ADGRL2: variants seen among roughly 807,000 people sequenced by gnomAD.
The protein encoded by ADGRL2 is adhesion G protein-coupled receptor L2.
ADGRL2 carries 44 observed loss-of-function variants against 157.4 expected under a neutral mutation model. That is an observed-to-expected ratio of 0.28 (90% CI 0.22 to 0.36). The LOEUF is 0.36. ADGRL2 is among the 10% of genes least tolerant of loss of function. The probability of loss-of-function intolerance (pLI) is 1.00; values close to 1 mark genes in which losing one functional copy is unlikely to be tolerated. For synonymous variants in ADGRL2, 585 were observed against 624.7 expected, an observed-to-expected ratio of 0.94 and a Z score of 0.95; for missense variants, 1,510 against 1,768.9, an observed-to-expected ratio of 0.85 and a Z score of 2.63.
intron 1 of ADGRL2, among the ~76,000 whole-genome samples, chr1:81,325,174 G>T (rs1022879535): frequency 4.6e-5 from 7 of 152,182 alleles, no homozygotes. Context: ...CAGATCCACA[G>T]CCACAAATGT....
At chr1:81,519,836 A>G (rs751470615) in intron 2 of ADGRL2, among the ~76,000 whole-genome samples, 2 of 152,126 alleles carry the variant, frequency 1.3e-5, no homozygotes, top group African/African-American at 2.4e-5. Flanking sequence ...TTGAGAAAAA[A>G]GTACCCAGCC....
rs1193276566 is a variant in ADGRL2 at position 81,584,532 on chromosome 1, C to T, written c.-143+3552C>T. ...AGCACTTTTTCTTTCCCATCAGCTA[C>T]ATCCGAATTGTTTTTGTAAGATGTA... On this transcript the variant is annotated intron_variant, in intron 3 of 24. Coordinates refer to the ADGRL2 transcript ENST00000370721. Among the ~76,000 whole-genome samples the T allele has an allele frequency of 4.6e-5, 7 of 152,154 alleles. No individual in the cohort carries two copies. The South Asian group carries it at 6.2e-4, about 13-fold the overall frequency.
intron 11 of ADGRL2, among the ~76,000 whole-genome samples, chr1:81,958,017 T>C (rs1218932950): frequency 6.7e-6 from 1 of 148,170 alleles, no homozygotes; most frequent in Non-Finnish European, 1.5e-5. Context: ...CAAAAAAAAA[T>C]GGGAGGCCGA....
In ADGRL2 at chr1:81,947,482, T is replaced by C. The variant is rs139504580; in HGVS notation, c.1211-2707T>C. Among the ~76,000 whole-genome samples the C allele has an allele frequency of 5.8e-3, 876 of 152,298 alleles. 5 individuals are homozygous for C. Among genetic ancestry groups the C allele is most frequent in the African/African-American group, 0.02 (829 of 41,562 alleles). On this transcript the variant is annotated intron_variant, in intron 6 of 23. Coordinates refer to ENST00000686636, the MANE Select transcript of ADGRL2 (RefSeq NM_001366006.2). ...AAAGTGACCTTAAACAAATTACTTA[T>C]CTTCATCGTTCAGTTTCCTTATCTG...
chr1:81,360,045 T>C (rs1277437084), intron 1 of ADGRL2, among the ~76,000 whole-genome samples: 1 of 152,048 alleles, frequency 6.6e-6, no homozygotes, highest in Non-Finnish European at 1.5e-5. Flanking sequence ...TAACTTAAAA[T>C]GCTCCAATTA....
chr1:81,820,771 T>C (rs1169772145), intron 1 of ADGRL2, among the ~76,000 whole-genome samples: 1 of 152,080 alleles, frequency 6.6e-6, no homozygotes, highest in Non-Finnish European at 1.5e-5. Context: ...AATATTCTGC[T>C]TACACTTTCA....
chr1:81,356,777 C>A (rs1353764012), intron 1 of ADGRL2, among the ~76,000 whole-genome samples: 18 of 151,834 alleles, frequency 1.2e-4, no homozygotes, highest in African/African-American at 4.3e-4. Flanking sequence ...CACGGTGAAA[C>A]CCCGTCTCTA....
chr1:81,948,787 C>T (rs185663273), intron 6 of ADGRL2, among the ~76,000 whole-genome samples: 1 of 152,114 alleles, frequency 6.6e-6, no homozygotes, highest in East Asian at 1.9e-4. Flanking sequence ...ATAAATTATG[C>T]CCTGGAAATA....
Position 81,376,463 on chromosome 1 carries a change from G to T in ADGRL2, c.-301-68573G>T, listed in dbSNP as rs527633990. On this transcript the variant is annotated intron_variant, in intron 1 of 24. Transcript: ENST00000370721. The stretch of plus-strand genomic sequence containing the variant: ...ACCCAAAGTAATTCCACACAATGGT[G>T]ATATAACCTGGTTAATACAATGAGT... Among the ~76,000 whole-genome samples the T allele has an allele frequency of 5.3e-5, 8 of 152,288 alleles. No homozygotes were observed. The South Asian group carries it at 1.7e-3, about 32-fold the overall frequency.
At chr1:81,332,392 C>A (rs1006983503) in intron 1 of ADGRL2, among the ~76,000 whole-genome samples, 2 of 151,884 alleles carry the variant, frequency 1.3e-5, no homozygotes, top group African/African-American at 2.4e-5. Flanking sequence ...GCTTGGTAAT[C>A]AAAAAACATA....
intron 2 of ADGRL2, among the ~76,000 whole-genome samples, chr1:81,536,415 C>G (rs1400312528): frequency 6.6e-6 from 1 of 152,098 alleles, no homozygotes; most frequent in Non-Finnish European, 1.5e-5. Context: ...AAGATTTCTC[C>G]TATTTATTTA....
At chr1:81,416,278 T>C (rs1157495415) in intron 1 of ADGRL2, among the ~76,000 whole-genome samples, 1 of 148,778 alleles carries the variant, frequency 6.7e-6, no homozygotes, top group Non-Finnish European at 1.5e-5. Flanking sequence ...TTTTTAAATA[T>C]AGAAACTGTA....
At chr1:81,558,131 A>G (rs992941051) in intron 2 of ADGRL2, among the ~76,000 whole-genome samples, 7 of 152,210 alleles carry the variant, frequency 4.6e-5, no homozygotes, top group Non-Finnish European at 1.0e-4. Flanking sequence ...AAAATCATCA[A>G]TGAATAAATG....
intron 2 of ADGRL2, among the ~76,000 whole-genome samples, chr1:81,575,780 C>T (rs17106722): frequency 0.075 from 11,415 of 152,004 alleles, 692 homozygotes; most frequent in African/African-American, 0.17. Flanking sequence ...TGGCCAAATT[C>T]TGCAGTATAA....
chr1:81,426,679 CA>C lies in ADGRL2; in HGVS notation c.-301-18356del, dbSNP rs534669706. On this transcript the variant is annotated intron_variant, in intron 1 of 24. Transcript: ENST00000370721. Reference sequence around the variant, plus strand: ...TGAGACACCCCCAAAGAAAACGTTCCAGGGGGTTTGGTTTTGTGACTTACTC... The same window carrying C: ...TGAGACACCCCCAAAGAAAACGTTCCGGGGGTTTGGTTTTGTGACTTACTC... 353 of 469,862 alleles carry C rather than the reference CA, an allele frequency of 7.5e-4. 1 individual carries two copies. Among genetic ancestry groups the C allele is most frequent in the African/African-American group, 6.7e-3 (338 of 50,212 alleles). The allele number at this position is 469,862 out of a possible 1,614,324, so 29.1% of individuals were successfully genotyped here.
chr1:81,799,847 C>T (rs2087797100), upstream of ADGRL2, among the ~76,000 whole-genome samples: 1 of 151,506 alleles, frequency 6.6e-6, no homozygotes, highest in Non-Finnish European at 1.5e-5. Context: ...TTTACAAATA[C>T]ATCTGAAAAC....
chr1:81,920,530 C>T (rs532176267), intron 3 of ADGRL2, among the ~76,000 whole-genome samples: 1 of 152,072 alleles, frequency 6.6e-6, no homozygotes, highest in Non-Finnish European at 1.5e-5. Flanking sequence ...CAGAGGCAGC[C>T]CCCAGTGAAT....
Position 81,840,782 on chromosome 1 carries a change from T to G in ADGRL2, c.73+3725T>G, listed in dbSNP as rs577434163. On this transcript the variant is annotated intron_variant, in intron 2 of 23. Coordinates refer to ENST00000686636, the MANE Select transcript of ADGRL2 (RefSeq NM_001366006.2). ...TTAGAATTTCCAAATAAAAATGATT[T>G]TATACAGACCAAACTTGCAAAATAT... Among the ~76,000 whole-genome samples the G allele has an allele frequency of 1.2e-4, 18 of 152,278 alleles. No individual in the cohort carries two copies. In the East Asian group the frequency reaches 1.9e-3, roughly 16 times the overall value.
chr1:81,478,009 G>A (rs1362496792), intron 2 of ADGRL2, among the ~76,000 whole-genome samples: 3 of 151,826 alleles, frequency 2.0e-5, no homozygotes, highest in South Asian at 2.1e-4. Context: ...AGCATTTTTT[G>A]TATATTTGAG....
Sources: allele counts gnomAD v4.1 joint callset (sites outside exome capture counted in the v4.1 genomes callset), GRCh38; gene constraint gnomAD v4.1.1; transcripts MANE v1.5; gene names NCBI Gene and HGNC (gene_info 2026-07-23, HGNC 2026-07-21).